CA10: variants seen among roughly 807,000 people sequenced by gnomAD.
CA10 encodes carbonic anhydrase 10 (inactive), also known as carbonic anhydrase-related protein 10.
Under a neutral mutation model 44.2 loss-of-function variants are expected in CA10, and 14 were observed. The ratio of observed to expected loss-of-function variants is 0.32; its 90% confidence interval spans 0.21 to 0.50. The LOEUF (loss-of-function observed/expected upper bound fraction) is 0.50, where lower values mean the gene tolerates loss of function less well. Among genes scored for constraint, CA10 ranks in the 20% least tolerant of loss-of-function variants. The probability of loss-of-function intolerance (pLI) is 0.99; values close to 1 mark genes in which losing one functional copy is unlikely to be tolerated. For synonymous variants in CA10, 159 were observed against 141.6 expected, an observed-to-expected ratio of 1.12 and a Z score of -0.87; for missense variants, 350 against 409.7, an observed-to-expected ratio of 0.85 and a Z score of 1.26.
chr17:51,983,570 G>GT (rs887181091), intron 2 of CA10, among the ~76,000 whole-genome samples: 22 of 149,626 alleles, frequency 1.5e-4, no homozygotes, highest in South Asian at 6.4e-4. Context: ...TAAAAAAGGT[G>GT]TTTTTTTTTC....
chr17:51,737,639 A>G (rs112174075), intron 4 of CA10, among the ~76,000 whole-genome samples: 154 of 152,286 alleles, frequency 1.0e-3, no homozygotes, highest in African/African-American at 3.5e-3. Flanking sequence ...CACACAGCCA[A>G]TAAGTGGCAG....
At chr17:51,969,481 T>G (rs1311256553) in intron 2 of CA10, among the ~76,000 whole-genome samples, 1 of 152,036 alleles carries the variant, frequency 6.6e-6, no homozygotes, top group African/African-American at 2.4e-5. Flanking sequence ...TTTCCCTTAA[T>G]AGTTTTTCAA....
At chr17:52,033,839 A>T (rs1901793576) in intron 2 of CA10, among the ~76,000 whole-genome samples, 2 of 152,208 alleles carry the variant, frequency 1.3e-5, no homozygotes, top group South Asian at 2.1e-4. Flanking sequence ...CACTCCTAAG[A>T]GATTATTCAG....
intron 4 of CA10, among the ~76,000 whole-genome samples, chr17:51,669,480 G>A (rs977758134): frequency 2.0e-4 from 30 of 152,118 alleles, no homozygotes; most frequent in African/African-American, 7.0e-4. Flanking sequence ...CAACCCTCTC[G>A]GGTCCCCTTC....
chr17:51,977,197 A>G (rs910384076), intron 2 of CA10, among the ~76,000 whole-genome samples: 4 of 152,134 alleles, frequency 2.6e-5, no homozygotes, highest in South Asian at 4.1e-4. Context: ...TGAAAATAGC[A>G]TATCTTTGAT....
intron 4 of CA10, among the ~76,000 whole-genome samples, chr17:51,737,121 T>C (rs907918075): frequency 1.3e-5 from 2 of 152,178 alleles, no homozygotes; most frequent in Admixed American, 6.5e-5. Flanking sequence ...GGTGACTGTC[T>C]AAGGTCACTC....
intron 2 of CA10, among the ~76,000 whole-genome samples, chr17:52,053,316 A>C (rs1987130659): frequency 6.6e-6 from 1 of 152,074 alleles, no homozygotes; most frequent in African/African-American, 2.4e-5. Context: ...CTTTGTTTAA[A>C]ACAGGAACAA....
intron 3 of CA10, among the ~76,000 whole-genome samples, chr17:51,781,644 T>C (rs1251984243): frequency 2.6e-5 from 4 of 152,194 alleles, no homozygotes; most frequent in South Asian, 4.1e-4. Context: ...AGAAACACAA[T>C]AGGACTCAAT....
intron 4 of CA10, among the ~76,000 whole-genome samples, chr17:51,731,654 A>T (rs1293908858): frequency 2.1e-4 from 3 of 14,282 alleles, no homozygotes; most frequent in African/African-American, 3.1e-4. Flanking sequence ...AGGGGCTGGT[A>T]AAAAAAAAAA....
chr17:52,035,789 G>T (rs1212505389), intron 2 of CA10, among the ~76,000 whole-genome samples: 1 of 152,248 alleles, frequency 6.6e-6, no homozygotes, highest in East Asian at 1.9e-4. Flanking sequence ...CCCATGAGGA[G>T]TTGAGGGCGG....
rs1907147015 is a variant in CA10 at position 51,806,547 on chromosome 17, T to TA, written c.280-58730dup. Among the ~76,000 whole-genome samples the TA allele has an allele frequency of 2.6e-5, 4 of 152,368 alleles. No individual in the cohort carries two copies. The South Asian group carries it at 8.3e-4, about 32-fold the overall frequency. On this transcript the variant is annotated intron_variant, in intron 3 of 8. Transcript: ENST00000451037. ...AAAAATGAGAAAGAAAAAAGAATTA[T>TA]ATGTTGTTTTTCCTTCTATTTCTAG...
chr17:51,822,186 G>A (rs191115812), intron 3 of CA10, among the ~76,000 whole-genome samples: 1 of 152,206 alleles, frequency 6.6e-6, no homozygotes, highest in African/African-American at 2.4e-5. Context: ...CAGTTTGGGA[G>A]GCTGAGGCAG....
chr17:52,012,178 T>C (rs1257801713), intron 2 of CA10, among the ~76,000 whole-genome samples: 2 of 152,050 alleles, frequency 1.3e-5, no homozygotes, highest in African/African-American at 4.8e-5. Flanking sequence ...ATATTACAGA[T>C]GAAGAAACTG....
intron 4 of CA10, among the ~76,000 whole-genome samples, chr17:51,711,328 G>A (rs1567812682): frequency 6.6e-6 from 1 of 152,150 alleles, no homozygotes; most frequent in East Asian, 1.9e-4. Context: ...TGCACCTGTT[G>A]TATTTTAGTA....
intron 1 of CA10, among the ~76,000 whole-genome samples, chr17:52,094,355 C>T (rs1366928761): frequency 6.7e-6 from 1 of 149,700 alleles, no homozygotes; most frequent in Non-Finnish European, 1.5e-5. Flanking sequence ...AATTGTGTCA[C>T]ACTAAACAAT....
intron 7 of CA10, among the ~76,000 whole-genome samples, 183 bp from the exon 8 acceptor site, chr17:51,633,833 A>C (rs79592881): frequency 0.039 from 5,951 of 152,246 alleles, 166 homozygotes; most frequent in Middle Eastern, 0.068. Flanking sequence ...TTATACCTCC[A>C]CACATGAAGC....
chr17:52,119,055 T>G (rs2143309145), intron 1 of CA10, among the ~76,000 whole-genome samples: 1 of 152,362 alleles, frequency 6.6e-6, no homozygotes, highest in African/African-American at 2.4e-5. Context: ...TTTAAATGTT[T>G]GCTTAGAACA....
At chr17:51,963,597 G>T (rs1358595447) in intron 2 of CA10, among the ~76,000 whole-genome samples, 1 of 152,190 alleles carries the variant, frequency 6.6e-6, no homozygotes, top group Non-Finnish European at 1.5e-5. Flanking sequence ...AGTCAGGAGA[G>T]GCTGGGGTCT....
chr17:52,139,629 C>A (rs1989434193), intron 1 of CA10, among the ~76,000 whole-genome samples: 1 of 151,930 alleles, frequency 6.6e-6, no homozygotes, highest in African/African-American at 2.4e-5. Flanking sequence ...AATATACTCC[C>A]AAACAGACTT....
Sources: allele counts gnomAD v4.1 joint callset (sites outside exome capture counted in the v4.1 genomes callset), GRCh38; gene constraint gnomAD v4.1.1; transcripts MANE v1.5; gene names NCBI Gene and HGNC (gene_info 2026-07-23, HGNC 2026-07-21).